Variants in GRIK4 observed in about 807,000 individuals in gnomAD.
GRIK4 encodes glutamate receptor ionotropic, kainate 4.
GRIK4 carries 40 observed loss-of-function variants against 104.9 expected under a neutral mutation model. The ratio of observed to expected loss-of-function variants is 0.38; its 90% CI spans 0.30 to 0.50. The LOEUF (loss-of-function observed/expected upper bound fraction) is 0.50. Among genes scored for constraint, GRIK4 ranks in the 20% least tolerant of loss-of-function variants. The pLI, the probability that GRIK4 is intolerant of heterozygous loss-of-function variation, is 0.93. For missense variants in GRIK4, 1,047 were observed against 1,308.1 expected (o/e 0.80, Z 3.08); for synonymous variants, 485 against 524.9 (o/e 0.92, Z 1.04).
chr11:120,567,145 T>C (rs1006486752), intron 1 of GRIK4, among the ~76,000 whole-genome samples: 2 of 151,478 alleles, frequency 1.3e-5, no homozygotes, highest in African/African-American at 4.9e-5. Context: ...TGCCATCACA[T>C]CCAGCTTGTT....
At chr11:120,867,605 CGGGCCTT>C (rs1954459032) in intron 9 of GRIK4, among the ~76,000 whole-genome samples, 1 of 152,016 alleles carries the variant, frequency 6.6e-6, no homozygotes, top group Admixed American at 6.6e-5. Flanking sequence ...CCTTCCGGGT[CGGGCCTT>C]CGGCATTCTA....
Position 120,961,068 on chromosome 11 carries a change from C to A in GRIK4, c.2034C>A (p.Phe678Leu), listed in dbSNP as rs141110638. 8 of 1,613,954 alleles carry A rather than the reference C, an allele frequency of 5.0e-6. No homozygotes were observed. The highest frequency in any genetic ancestry group is 6.8e-6 in the Non-Finnish European group (8 of 1,179,908). Residue 678 changes from phenylalanine (F) to leucine (L), a missense_variant, in exon 17 of 21, where the codon TTC (phenylalanine) becomes TTA (leucine). Transcript: ENST00000527524. ...TTCACGGAGGCTCCAGCATGACCTT[C>A]TTCCAAGTAAACCCCATTTGGTTGC... ...GTIHGGSSMT[F>L]FQNSRYQTYQ...
At chr11:120,879,622 G>A (rs978078413) in intron 11 of GRIK4, among the ~76,000 whole-genome samples, 1 of 152,198 alleles carries the variant, frequency 6.6e-6, no homozygotes, top group Non-Finnish European at 1.5e-5. Flanking sequence ...GACTGACCTT[G>A]TGGAGCTTCT....
At chr11:120,914,403 G>T (rs796447532) in intron 13 of GRIK4, among the ~76,000 whole-genome samples, 2 of 152,222 alleles carry the variant, frequency 1.3e-5, no homozygotes, top group African/African-American at 4.8e-5. Context: ...TGGCAAAACA[G>T]TTAAGGAACC....
intron 3 of GRIK4, 133 bp downstream of exon 3, chr11:120,660,533 G>A (rs1200916639): frequency 4.5e-6 from 3 of 660,474 alleles, no homozygotes; most frequent in Non-Finnish European, 7.8e-6. Context: ...TGTGGCTGGG[G>A]TGAACATGCA....
chr11:120,966,519 G>A lies in GRIK4; in HGVS notation c.2267-676G>A, dbSNP rs750682934. On this transcript the variant is annotated intron_variant, in intron 18 of 20. Coordinates refer to ENST00000527524, the MANE Select transcript of GRIK4 (RefSeq NM_014619.5). ...CCTGAGCAGCTGGGGCTACAGGTGC[G>A]CACCATCACACCCAGCTAATTCTTG... is the stretch of plus-strand genomic sequence containing the variant. Among the ~76,000 whole-genome samples, 9 of 152,196 alleles carry A rather than the reference G, an allele frequency of 5.9e-5. No individual in the cohort carries two copies. The South Asian group carries it at 1.0e-3, about 18-fold the overall frequency.
intron 3 of GRIK4, among the ~76,000 whole-genome samples, chr11:120,720,144 G>A (rs567375543): frequency 6.6e-6 from 1 of 152,100 alleles, no homozygotes; most frequent in African/African-American, 2.4e-5. Context: ...TGTGTGTTGT[G>A]GGGGGAGGTG....
At chr11:120,655,282 G>T (rs73578390) in intron 2 of GRIK4, among the ~76,000 whole-genome samples, 1 of 151,660 alleles carries the variant, frequency 6.6e-6, no homozygotes, top group Non-Finnish European at 1.5e-5. Flanking sequence ...GTCCATCAGG[G>T]GATGGGACTG....
At chr11:120,960,179 A>C (rs1465586803) in intron 16 of GRIK4, among the ~76,000 whole-genome samples, 1 of 152,160 alleles carries the variant, frequency 6.6e-6, no homozygotes, top group African/African-American at 2.4e-5. Flanking sequence ...GAATACAAAA[A>C]TTTGCTGGGC....
At chr11:120,597,503 C>T (rs1187390847) in intron 1 of GRIK4, among the ~76,000 whole-genome samples, 2 of 152,324 alleles carry the variant, frequency 1.3e-5, no homozygotes, top group Non-Finnish European at 2.9e-5. Context: ...AGCTGAGCCC[C>T]GTGGCAGGCA....
At chr11:120,579,231 C>A (rs552534367) in intron 1 of GRIK4, among the ~76,000 whole-genome samples, 1 of 152,100 alleles carries the variant, frequency 6.6e-6, no homozygotes, top group African/African-American at 2.4e-5. Flanking sequence ...AATAACCCCC[C>A]CCCCTTTTTT....
intron 3 of GRIK4, among the ~76,000 whole-genome samples, chr11:120,685,383 G>T (rs1439045222): frequency 6.6e-6 from 1 of 152,196 alleles, no homozygotes; most frequent in East Asian, 1.9e-4. Context: ...AGAAACATGG[G>T]TCTAACCCTT....
intron 3 of GRIK4, among the ~76,000 whole-genome samples, chr11:120,767,024 T>G (rs75647676): frequency 0.014 from 2,073 of 152,230 alleles, 38 homozygotes; most frequent in African/African-American, 0.046. Flanking sequence ...AGTTGAAATA[T>G]CTTTATAAGG....
intron 1 of GRIK4, among the ~76,000 whole-genome samples, chr11:120,563,612 G>A (rs961159438): frequency 2.0e-5 from 3 of 152,186 alleles, no homozygotes; most frequent in Non-Finnish European, 2.9e-5. Flanking sequence ...AGGTGGGATA[G>A]ATGGGTGCTT....
At chr11:120,887,126 G>A (rs1004539792) in intron 11 of GRIK4, among the ~76,000 whole-genome samples, 3 of 152,168 alleles carry the variant, frequency 2.0e-5, no homozygotes, top group African/African-American at 7.2e-5. Context: ...CCTTAGTTGT[G>A]TTTCTTGGGT....
chr11:120,637,360 C>A (rs941382958), intron 1 of GRIK4, among the ~76,000 whole-genome samples: 4 of 151,774 alleles, frequency 2.6e-5, no homozygotes, highest in Non-Finnish European at 2.9e-5. Context: ...TGTTTTTTTT[C>A]CCCCCTGGCA....
intron 3 of GRIK4, among the ~76,000 whole-genome samples, chr11:120,756,340 G>T (rs11218000): frequency 0.011 from 1,725 of 152,258 alleles, 35 homozygotes; most frequent in African/African-American, 0.039. Flanking sequence ...GGGGCTCTGT[G>T]CCCATCTCTA....
At chr11:120,581,939 T>C (rs1948586850) in intron 1 of GRIK4, among the ~76,000 whole-genome samples, 1 of 152,052 alleles carries the variant, frequency 6.6e-6, no homozygotes, top group Non-Finnish European at 1.5e-5. Context: ...CCCTAGTAGC[T>C]GGGACTACAG....
At chr11:120,521,364 G>A (rs971314967) in intron 1 of GRIK4, among the ~76,000 whole-genome samples, 15 of 152,134 alleles carry the variant, frequency 9.9e-5, no homozygotes, top group African/African-American at 3.1e-4. Flanking sequence ...GCGCCACCAC[G>A]CCCGGCCCAC....
Sources: gnomAD v4.1 joint callset for allele counts (sites outside exome capture counted in the v4.1 genomes callset) on GRCh38, gnomAD v4.1.1 for gene constraint, MANE v1.5 for transcripts, NCBI Gene and HGNC (gene_info 2026-07-23, HGNC 2026-07-21) for gene names.